SSPN: variants seen among roughly 807,000 people sequenced by gnomAD.
SSPN encodes K-ras oncogene-associated protein.
SSPN carries 15 observed loss-of-function variants against 19.1 expected under a neutral mutation model. The ratio of observed to expected loss-of-function variants is 0.78; its 90% CI spans 0.52 to 1.21. The LOEUF is 1.21. Among genes scored for constraint, SSPN ranks in the 50% most tolerant of loss-of-function variants. The probability of loss-of-function intolerance (pLI) is 0.00; values close to 1 mark genes in which losing one functional copy is unlikely to be tolerated. For missense variants in SSPN, 291 were observed against 314.0 expected, an observed-to-expected ratio of 0.93 and a Z score of 0.55; for synonymous variants, 147 against 140.3, an observed-to-expected ratio of 1.05 and a Z score of -0.34.
At chr12:26,166,028 T>C (rs6487534) in intron 1 of SSPN, among the ~76,000 whole-genome samples, 148,513 of 152,236 alleles carry the variant, frequency 0.98, 72,541 homozygotes, top group East Asian at 1. Context: ...AATATGGTTA[T>C]CGCAAACACC....
At chr12:26,191,720 A>G (rs1944789807), upstream of SSPN, among the ~76,000 whole-genome samples, 1 of 145,384 alleles carries the variant, frequency 6.9e-6, no homozygotes, top group African/African-American at 2.6e-5. Flanking sequence ...ACACACACAA[A>G]TACACACACA....
intron 1 of SSPN, chr12:26,125,036 T>C (rs1369575286): frequency 1.8e-6 from 1 of 544,490 alleles, no homozygotes; most frequent in East Asian, 3.3e-5. Flanking sequence ...AGGCAGTGTT[T>C]GGCCACAGGG....
chr12:26,196,442 G>C (rs1944831168), intron 1 of SSPN, among the ~76,000 whole-genome samples: 1 of 152,206 alleles, frequency 6.6e-6, no homozygotes, highest in East Asian at 1.9e-4. Flanking sequence ...GGCTCCATTA[G>C]TAAGTTTCCT....
Position 26,125,177 on chromosome 12 carries a change from G to A in SSPN, c.-31+3025G>A, listed in dbSNP as rs532670734. On this transcript the variant is annotated intron_variant, in intron 1 of 2. Coordinates refer to the SSPN transcript ENST00000538142. The stretch of plus-strand genomic sequence containing the variant: ...CGTCGGGAGAAGGCGGCGAGAGAAG[G>A]CGAACGGCAGGAGGGGGCGGGGACA... The A allele has an allele frequency of 1.3e-3, 451 of 351,476 alleles. 5 individuals are homozygous for A. Among genetic ancestry groups the A allele is most frequent in the African/African-American group, 9.1e-3 (433 of 47,372 alleles). The allele number at this position is 351,476 out of a possible 1,614,324, so 21.8% of individuals were successfully genotyped here.
chr12:26,186,298 A>G (rs1263767283), intron 1 of SSPN, among the ~76,000 whole-genome samples: 2 of 152,322 alleles, frequency 1.3e-5, no homozygotes, highest in East Asian at 3.9e-4. Flanking sequence ...CTATTAACAT[A>G]CCACTTAATT....
intron 1 of SSPN, among the ~76,000 whole-genome samples, chr12:26,153,715 T>C (rs891255039): frequency 6.6e-6 from 1 of 152,232 alleles, no homozygotes; most frequent in Non-Finnish European, 1.5e-5. Flanking sequence ...TCTGGACTCT[T>C]GTTGCATGTC....
intron 1 of SSPN, among the ~76,000 whole-genome samples, chr12:26,177,418 C>T (rs1944691163): frequency 6.6e-6 from 1 of 152,158 alleles, no homozygotes; most frequent in South Asian, 2.1e-4. Context: ...AGAGGTGTAA[C>T]CTTGAACAGT....
upstream of SSPN, among the ~76,000 whole-genome samples, chr12:26,191,206 T>C (rs1483788563): frequency 6.6e-6 from 1 of 152,224 alleles, no homozygotes; most frequent in Admixed American, 6.5e-5. Context: ...TACAGTATCA[T>C]ATGCAGTGGA....
chr12:26,179,919 C>CTTTTTTTTTTTTTTT (rs10591596), intron 1 of SSPN: 2 of 68,258 alleles, frequency 2.9e-5, no homozygotes, highest in Non-Finnish European at 5.2e-5. Context: ...TTTAGCTAGG[C>CTTTTTTTTTTTTTTT]TTTTTTTTTT....
At chr12:26,181,465 T>C (rs1477885584) in intron 1 of SSPN, among the ~76,000 whole-genome samples, 2 of 152,218 alleles carry the variant, frequency 1.3e-5, no homozygotes, top group African/African-American at 4.8e-5. Context: ...ACATGTAATA[T>C]TATAGTTGTT....
intron 1 of SSPN, among the ~76,000 whole-genome samples, chr12:26,201,580 G>A (rs2137465261): frequency 6.6e-6 from 1 of 151,346 alleles, no homozygotes; most frequent in South Asian, 2.1e-4. Context: ...ATATAATGAG[G>A]AAATTGTCCC....
intron 1 of SSPN, chr12:26,125,792 G>C (rs1944358540): frequency 6.6e-6 from 1 of 152,130 alleles, no homozygotes; most frequent in Non-Finnish European, 1.5e-5. Flanking sequence ...GGTTGAGTGG[G>C]GGCTGGGAAG....
At chr12:26,223,753 C>T (rs371625364) in intron 1 of SSPN, among the ~76,000 whole-genome samples, 3 of 152,270 alleles carry the variant, frequency 2.0e-5, no homozygotes, top group African/African-American at 7.2e-5. Context: ...AAAACAATTA[C>T]AGGAGGAATA....
chr12:26,146,554 G>A (rs920006935), intron 1 of SSPN, among the ~76,000 whole-genome samples: 4 of 152,190 alleles, frequency 2.6e-5, no homozygotes, highest in African/African-American at 9.6e-5. Context: ...ACAGTTCAGT[G>A]TTTGAGTGAT....
intron 1 of SSPN, among the ~76,000 whole-genome samples, chr12:26,140,911 C>A (rs1264218621): frequency 1.3e-5 from 2 of 152,190 alleles, no homozygotes; most frequent in African/African-American, 4.8e-5. Flanking sequence ...TCACACAGAT[C>A]TTTCACACAG....
intron 1 of SSPN, chr12:26,125,454 G>A (rs1022835362): frequency 6.4e-6 from 1 of 157,292 alleles, no homozygotes; most frequent in Non-Finnish European, 1.4e-5. Context: ...AAGAGAATTC[G>A]CGGTGGGTAA....
At chr12:26,199,994 G>C (rs1944863846) in intron 1 of SSPN, among the ~76,000 whole-genome samples, 1 of 152,094 alleles carries the variant, frequency 6.6e-6, no homozygotes, top group East Asian at 1.9e-4. Flanking sequence ...ATTTGCTTTG[G>C]CATCTCTACT....
rs146089589 is a variant in SSPN at position 26,166,022 on chromosome 12, T to C, written c.-31+43870T>C. 6.1e-3 allele frequency among the ~76,000 whole-genome samples: 927 copies of C among 152,240 alleles called. 11 individuals are homozygous for C. Among genetic ancestry groups the C allele is most frequent in the African/African-American group, 0.021 (875 of 41,530 alleles). ...TCACTCTAAACTGATTTTAAGAATA[T>C]GGTTATCGCAAACACCGCATGTTCT... On this transcript the variant is annotated intron_variant, in intron 1 of 2. Transcript: ENST00000538142.
At chr12:26,158,696 G>A (rs988335093) in intron 1 of SSPN, among the ~76,000 whole-genome samples, 5 of 152,278 alleles carry the variant, frequency 3.3e-5, no homozygotes, top group African/African-American at 9.6e-5. Context: ...GTGCCTCAGG[G>A]CAGGGCTGCT....
Sources: gnomAD v4.1 joint callset for allele counts (sites outside exome capture counted in the v4.1 genomes callset) on GRCh38, gnomAD v4.1.1 for gene constraint, MANE v1.5 for transcripts, NCBI Gene and HGNC (gene_info 2026-07-23, HGNC 2026-07-21) for gene names.